ATP10A: variants seen among roughly 807,000 people sequenced by gnomAD.
ATP10A encodes ATPase phospholipid transporting 10A (putative), also known as phospholipid-transporting ATPase VA.
ATP10A carries 111 observed loss-of-function variants against 147.8 expected under a neutral mutation model. The observed-to-expected ratio is 0.75, with a 90% CI of 0.64 to 0.88. The LOEUF (loss-of-function observed/expected upper bound fraction) is 0.88, where lower values mean the gene tolerates loss of function less well. Among genes scored for constraint, ATP10A ranks in the 40% least tolerant of loss-of-function variants. The probability of loss-of-function intolerance (pLI) is 0.00; values close to 1 mark genes in which losing one functional copy is unlikely to be tolerated. For synonymous variants in ATP10A, 875 were observed against 841.6 expected, an observed-to-expected ratio of 1.04 and a Z score of -0.69; for missense variants, 1,927 against 1,959.0, an observed-to-expected ratio of 0.98 and a Z score of 0.31.
chr15:25,689,877 C>A (rs1899923306), intron 15 of ATP10A, among the ~76,000 whole-genome samples: 1 of 152,228 alleles, frequency 6.6e-6, no homozygotes, highest in Non-Finnish European at 1.5e-5. Context: ...ACATGCTCAA[C>A]ATTCAAGTGT....
chr15:25,835,369 T>C (rs1003221936), intron 1 of ATP10A, among the ~76,000 whole-genome samples: 4 of 152,224 alleles, frequency 2.6e-5, no homozygotes, highest in African/African-American at 9.7e-5. Context: ...AGCTACTGAA[T>C]TGTATACTTT....
At position 25,713,663 on chromosome 15, in the gene ATP10A, G is replaced by C. The variant is rs781569309; in HGVS notation, c.2344+11C>G. The C allele has an allele frequency of 5.0e-6, 8 of 1,612,516 alleles. No homozygotes were observed. Among genetic ancestry groups the C allele is most frequent in the Non-Finnish European group, 6.8e-6 (8 of 1,179,376 alleles). ...CCGAGCTGGGGTGCAGCTGGGCAGG[G>C]GTGGGAGTACCTGAAGAGCAGGGCT... On this transcript the variant is annotated intron_variant, in intron 10 of 20. Transcript: ENST00000555815.
In ATP10A at chr15:25,836,752, C is replaced by T. The variant is rs1479910732; in HGVS notation, c.449+25896G>A. Among the ~76,000 whole-genome samples the T allele has an allele frequency of 1.3e-5, 2 of 152,152 alleles. 1 individual carries two copies. The highest frequency in any genetic ancestry group is 2.9e-5 in the Non-Finnish European group (2 of 68,022). ...TCATGGGCACCAGTGCCCATAGCAA[C>T]CCTAGGAAGTGGGCACTATCGTTAC... On this transcript the variant is annotated intron_variant, in intron 1 of 20. Transcript: ENST00000555815.
chr15:25,816,614 C>T (rs1276851266), intron 1 of ATP10A, among the ~76,000 whole-genome samples: 1 of 152,134 alleles, frequency 6.6e-6, no homozygotes, highest in Non-Finnish European at 1.5e-5. Context: ...AGTAACAATC[C>T]ACCATGCGAA....
At chr15:25,779,411 C>T (rs1269888166) in intron 2 of ATP10A, among the ~76,000 whole-genome samples, 3 of 152,234 alleles carry the variant, frequency 2.0e-5, no homozygotes, top group African/African-American at 7.2e-5. Context: ...TCTGCCTGCC[C>T]CTAACTCTAG....
chr15:25,802,712 G>A (rs913549463), intron 1 of ATP10A, among the ~76,000 whole-genome samples: 1 of 152,214 alleles, frequency 6.6e-6, no homozygotes, highest in East Asian at 1.9e-4. Flanking sequence ...CAAGTCTTGC[G>A]CACTGGGCCA....
At chr15:25,862,258 C>A in intron 1 of ATP10A, 1 of 479,878 alleles carries the variant, frequency 2.1e-6, no homozygotes, top group South Asian at 1.5e-5. Flanking sequence ...ACCACTGTGC[C>A]TGGCCGAAGA....
intron 9 of ATP10A, among the ~76,000 whole-genome samples, chr15:25,715,004 T>C (rs563209111): frequency 4.1e-5 from 6 of 145,336 alleles, no homozygotes; most frequent in Admixed American, 4.1e-4. Flanking sequence ...ACACACACAA[T>C]TGTTAAAGTT....
chr15:25,746,298 T>C (rs1454074174), intron 2 of ATP10A, among the ~76,000 whole-genome samples: 1 of 152,096 alleles, frequency 6.6e-6, no homozygotes, highest in African/African-American at 2.4e-5. Context: ...GTTCAACTCA[T>C]TTGAAAAATA....
At chr15:25,843,297 T>C (rs1892890729) in intron 1 of ATP10A, among the ~76,000 whole-genome samples, 2 of 145,182 alleles carry the variant, frequency 1.4e-5, no homozygotes. Context: ...CACATCAGTG[T>C]GTGCAGAGGC....
At chr15:25,723,321 C>A (rs1902359551) in intron 6 of ATP10A, among the ~76,000 whole-genome samples, 1 of 150,930 alleles carries the variant, frequency 6.6e-6, no homozygotes, top group African/African-American at 2.4e-5. Flanking sequence ...GCACTCCAGC[C>A]TGGCGACAAA....
At position 25,816,554 on chromosome 15, in the gene ATP10A, T is replaced by C. The variant is rs368227765; in HGVS notation, c.450-35331A>G. 3.3e-4 allele frequency among the ~76,000 whole-genome samples: 51 copies of C among 152,334 alleles called. No homozygotes were observed. In the East Asian group the frequency reaches 8.1e-3, roughly 24 times the overall value. On this transcript the variant is annotated intron_variant, in intron 1 of 20. Coordinates refer to ENST00000555815, the MANE Select transcript of ATP10A (RefSeq NM_024490.4). ...TTCTGTGCAATTTTTAGAGAGCTTT[T>C]TAAAAAATATTTTCACAAGTACTGC... is the stretch of plus-strand genomic sequence containing the variant.
chr15:25,714,155 G>T lies in ATP10A; in HGVS notation c.1863C>A (p.Gly621=). Residue 621 remains glycine, a synonymous_variant, in exon 10 of 21, where the codon GGC becomes GGA. Coordinates refer to ENST00000555815, the MANE Select transcript of ATP10A (RefSeq NM_024490.4). ...RRFTPSCLTS[G]CSSIGSLAAN... ...CGGCCAGGCTCCCGATGCTGCTGCA[G>T]CCTGAGGTCAGGCAGCTGGGTGTGA... The T allele has an allele frequency of 6.2e-7, 1 of 1,610,834 alleles. No homozygotes were observed.
intron 1 of ATP10A, among the ~76,000 whole-genome samples, chr15:25,806,135 G>C (rs1891168234): frequency 6.6e-6 from 1 of 152,002 alleles, no homozygotes; most frequent in Non-Finnish European, 1.5e-5. Context: ...GTTACACCAA[G>C]TGTGCCTGGC....
At chr15:25,799,895 T>C (rs951112509) in intron 1 of ATP10A, among the ~76,000 whole-genome samples, 3 of 152,210 alleles carry the variant, frequency 2.0e-5, no homozygotes, top group African/African-American at 7.2e-5. Context: ...ATGTATCTCT[T>C]CCTGGCCAAC....
Position 25,781,025 on chromosome 15 carries a change from C to A in ATP10A, c.648G>T (p.Ser216=). 1 of 1,613,714 alleles carries A rather than the reference C, an allele frequency of 6.2e-7. No homozygotes were observed. Among genetic ancestry groups the A allele is most frequent in the South Asian group, 1.1e-5 (1 of 91,038 alleles). ...GGAAACGTGGGTCACTTACAAGCTC[C>A]GAGAAGCCGCGGACCACCTGCCGCC... ...LKRRQVVRGF[S]ELVSEFNPLT... is the part of the protein sequence containing the mutation. Residue 216 remains serine (S), a synonymous_variant, in exon 2 of 21, where the codon TCG becomes TCT. Coordinates refer to ENST00000555815, the MANE Select transcript of ATP10A (RefSeq NM_024490.4).
intron 2 of ATP10A, among the ~76,000 whole-genome samples, chr15:25,772,499 T>G (rs1392872612): frequency 6.6e-6 from 1 of 152,184 alleles, no homozygotes; most frequent in Non-Finnish European, 1.5e-5. Flanking sequence ...TCGCAGAATT[T>G]CCTGTCTGGT....
At chr15:25,798,011 C>A (rs1480092131) in intron 1 of ATP10A, among the ~76,000 whole-genome samples, 1 of 152,146 alleles carries the variant, frequency 6.6e-6, no homozygotes, top group Non-Finnish European at 1.5e-5. Context: ...TTTTAAGCTT[C>A]TTAAAAATAT....
At chr15:25,754,370 G>A (rs978055575) in intron 2 of ATP10A, among the ~76,000 whole-genome samples, 3 of 152,230 alleles carry the variant, frequency 2.0e-5, no homozygotes, top group South Asian at 2.1e-4. Flanking sequence ...TCTTGACCTC[G>A]TGATCTGCCT....
Sources: gnomAD v4.1 joint callset for allele counts (sites outside exome capture counted in the v4.1 genomes callset) on GRCh38, gnomAD v4.1.1 for gene constraint, MANE v1.5 for transcripts, NCBI Gene and HGNC (gene_info 2026-07-23, HGNC 2026-07-21) for gene names.